The following DNAJC3 variants were observed in gnomAD, a reference collection of about 807,000 sequenced individuals.
The protein encoded by DNAJC3 is dnaJ homolog subfamily C member 3.
Under a neutral mutation model 68.6 loss-of-function variants are expected in DNAJC3, and 38 were observed. That is an observed-to-expected ratio of 0.55 (90% CI 0.43 to 0.73). The LOEUF (loss-of-function observed/expected upper bound fraction) is 0.73, where lower values mean the gene tolerates loss of function less well. Ranked by LOEUF, DNAJC3 falls within the 30% of genes least tolerant of loss-of-function variation. The probability of loss-of-function intolerance (pLI) is 0.00; values close to 1 mark genes in which losing one functional copy is unlikely to be tolerated. For synonymous variants in DNAJC3, 203 were observed against 204.0 expected (o/e 1.00, Z 0.04); for missense variants, 526 against 591.9 (o/e 0.89, Z 1.16).
intron 4 of DNAJC3, among the ~76,000 whole-genome samples, chr13:95,753,319 T>C (rs1477823050): frequency 1.4e-5 from 2 of 145,282 alleles, no homozygotes; most frequent in African/African-American, 2.4e-5. Flanking sequence ...GTTCTTTATG[T>C]TTTTTTCTTT....
chr13:95,704,851 G>GTTTTTTTGTTTTTTTTTTTTT (rs1437981663), intron 1 of DNAJC3, among the ~76,000 whole-genome samples: 1 of 97,850 alleles, frequency 1.0e-5, no homozygotes, highest in African/African-American at 6.0e-5. Context: ...GTGTGTGTGT[G>GTTTTTTTGTTTTTTTTTTTTT]TTTTTTTTTT....
intron 2 of DNAJC3, among the ~76,000 whole-genome samples, chr13:95,715,624 A>T (rs1180132738): frequency 6.6e-6 from 1 of 151,302 alleles, no homozygotes; most frequent in East Asian, 2.0e-4. Flanking sequence ...AGCAGCTAGG[A>T]GTATAGGCAT....
intron 9 of DNAJC3, among the ~76,000 whole-genome samples, chr13:95,776,766 G>A (rs942840093): frequency 2.6e-5 from 4 of 152,096 alleles, no homozygotes; most frequent in African/African-American, 9.7e-5. Context: ...TTAATAATTT[G>A]TTGAGGAAAT....
At chr13:95,717,750 C>G (rs1331531883) in intron 2 of DNAJC3, among the ~76,000 whole-genome samples, 2 of 152,184 alleles carry the variant, frequency 1.3e-5, no homozygotes, top group Non-Finnish European at 2.9e-5. Context: ...TGTCTGCTGC[C>G]ATGTAAGATG....
intron 9 of DNAJC3, 116 bp from the exon 10 acceptor site, chr13:95,785,823 T>A: frequency 1.0e-6 from 1 of 959,022 alleles, no homozygotes; most frequent in Non-Finnish European, 1.5e-6. Flanking sequence ...TTGGCAATAA[T>A]GGCCAAAGAG....
intron 1 of DNAJC3, among the ~76,000 whole-genome samples, chr13:95,686,265 G>C (rs1880072252): frequency 6.6e-6 from 1 of 152,140 alleles, no homozygotes; most frequent in Admixed American, 6.5e-5. Flanking sequence ...CTGGCCCTTT[G>C]CCCACTTTTT....
intron 9 of DNAJC3, among the ~76,000 whole-genome samples, chr13:95,780,208 C>T (rs929044887): frequency 3.9e-5 from 6 of 152,174 alleles, no homozygotes; most frequent in Non-Finnish European, 8.8e-5. Context: ...CCCACTTGCC[C>T]CTGTACCCCA....
At chr13:95,706,368 GA>G (rs1880747869) in intron 1 of DNAJC3, among the ~76,000 whole-genome samples, 1 of 152,178 alleles carries the variant, frequency 6.6e-6, no homozygotes, top group Admixed American at 6.5e-5. Flanking sequence ...ACATATAAAT[GA>G]ATTAGAGCCA....
chr13:95,724,495 G>A (rs373206296), intron 3 of DNAJC3, among the ~76,000 whole-genome samples: 9 of 152,144 alleles, frequency 5.9e-5, no homozygotes, highest in African/African-American at 1.4e-4. Context: ...TTTATTGTAG[G>A]GCAAAAAGTA....
At chr13:95,684,034 TA>T (rs777218664) in intron 1 of DNAJC3, among the ~76,000 whole-genome samples, 93 of 152,148 alleles carry the variant, frequency 6.1e-4, no homozygotes, top group Non-Finnish European at 1.2e-3. Context: ...GGCATTGCTA[TA>T]AAGATACCTG....
intron 4 of DNAJC3, chr13:95,744,706 T>G (rs1477532724): frequency 6.6e-6 from 1 of 152,182 alleles, no homozygotes; most frequent in Non-Finnish European, 1.5e-5. Context: ...TTTAACATAT[T>G]AAAAAATTGA....
At chr13:95,732,212 C>T (rs930790522) in intron 4 of DNAJC3, among the ~76,000 whole-genome samples, 4 of 152,188 alleles carry the variant, frequency 2.6e-5, no homozygotes, top group East Asian at 3.9e-4. Context: ...AGGGAGAATT[C>T]CCACCACTTC....
intron 1 of DNAJC3, among the ~76,000 whole-genome samples, chr13:95,700,213 A>G (rs1450021926): frequency 1.3e-5 from 2 of 152,176 alleles, no homozygotes; most frequent in East Asian, 3.8e-4. Context: ...AGCAACCTGA[A>G]TAGCTGGGAT....
chr13:95,720,379 A>G (rs971109235), intron 2 of DNAJC3, among the ~76,000 whole-genome samples: 5 of 152,328 alleles, frequency 3.3e-5, no homozygotes, highest in African/African-American at 9.6e-5. Flanking sequence ...ATCCATATGT[A>G]TTGTGAAACA....
Position 95,725,166 on chromosome 13 carries a change from CT to C in DNAJC3, c.319-5del, listed in dbSNP as rs748776549. 2.3e-5 allele frequency: 36 copies of C among 1,548,206 alleles called. No individual in the cohort carries two copies. Among genetic ancestry groups the C allele is most frequent in the South Asian group, 1.0e-4 (8 of 78,808 alleles). On this transcript the variant is annotated splice_polypyrimidine_tract_variant and intron_variant, in intron 3 of 11. Transcript: ENST00000602402. Reference sequence around the variant, plus strand: ...AATATTCAAGATAATCCTCTGCCCCCTTTTTTTCTAGGCAAGATTACAGAGA... The same window carrying C: ...AATATTCAAGATAATCCTCTGCCCCCTTTTTTCTAGGCAAGATTACAGAGA...
At chr13:95,734,589 T>C (rs1381161027) in intron 4 of DNAJC3, among the ~76,000 whole-genome samples, 1 of 148,252 alleles carries the variant, frequency 6.7e-6, no homozygotes, top group Non-Finnish European at 1.5e-5. Context: ...TGTTTTCAGC[T>C]ATTATTTTGT....
intron 2 of DNAJC3, among the ~76,000 whole-genome samples, chr13:95,713,201 C>G (rs1040207335): frequency 1.3e-5 from 2 of 152,066 alleles, no homozygotes; most frequent in African/African-American, 4.8e-5. Context: ...TACAATTGCC[C>G]AGCCCCTGTA....
At chr13:95,724,709 T>G (rs954909204) in intron 3 of DNAJC3, among the ~76,000 whole-genome samples, 1 of 152,218 alleles carries the variant, frequency 6.6e-6, no homozygotes, top group Admixed American at 6.5e-5. Flanking sequence ...TATCATAGAT[T>G]TGTTTCATAT....
intron 9 of DNAJC3, among the ~76,000 whole-genome samples, chr13:95,773,451 G>A (rs377646579): frequency 9.2e-5 from 14 of 151,998 alleles, no homozygotes; most frequent in Middle Eastern, 6.8e-3. Context: ...GACTACAGGC[G>A]TTAAGTCACT....
Sources: allele counts gnomAD v4.1 joint callset (sites outside exome capture counted in the v4.1 genomes callset), GRCh38; gene constraint gnomAD v4.1.1; transcripts MANE v1.5; gene names NCBI Gene and HGNC (gene_info 2026-07-23, HGNC 2026-07-21).